Variants in DHRS7B observed in about 807,000 individuals in gnomAD.
DHRS7B encodes peroxisomal reductase activating PPAR-gamma.
In DHRS7B, 24 loss-of-function variants were observed where a neutral mutation model predicts 26.4. That is an observed-to-expected ratio of 0.91 (90% CI 0.66 to 1.28). The LOEUF (loss-of-function observed/expected upper bound fraction) is 1.28. DHRS7B is among the 50% of genes most tolerant of loss of function. The pLI is 0.00. For missense variants in DHRS7B, 368 were observed against 419.4 expected (o/e 0.88, Z 1.07); for synonymous variants, 142 against 166.4 (o/e 0.85, Z 1.13).
chr17:21,140,538 A>ACACACACACACC (rs972677956), intron 1 of DHRS7B, among the ~76,000 whole-genome samples: 1,848 of 134,642 alleles, frequency 0.014, 70 homozygotes, highest in Middle Eastern at 0.024. Flanking sequence ...ACACACACAC[A>ACACACACACACC]CCCTGACACC....
rs915838784 is a variant in DHRS7B at position 21,183,695 on chromosome 17, C to G, written c.411C>G (p.Asp137Glu). 5 of 1,614,102 alleles carry G rather than the reference C, an allele frequency of 3.1e-6. No individual in the cohort carries two copies. The African/African-American group carries it at 6.7e-5, about 22-fold the overall frequency. Reference protein sequence around the residue: ...AEILQCFGYVDILVNNAGISY... With the variant: ...AEILQCFGYVEILVNNAGISY... Reference sequence around the variant, plus strand: ...TCCTGCAGTGCTTTGGCTATGTCGACATACTTGTCAACAATGCTGGGATCA... The same window carrying G: ...TCCTGCAGTGCTTTGGCTATGTCGAGATACTTGTCAACAATGCTGGGATCA... The change falls in exon 4 of 7, where the codon GAC (aspartate) becomes GAG (glutamate). Residue 137 changes from aspartate to glutamate, a missense_variant. By Grantham distance (45) the Asp-to-Glu change is conservative. Coordinates refer to ENST00000395511, the MANE Select transcript of DHRS7B (RefSeq NM_015510.5).
At chr17:21,149,242 A>G (rs917638486) in intron 1 of DHRS7B, among the ~76,000 whole-genome samples, 2 of 152,158 alleles carry the variant, frequency 1.3e-5, no homozygotes, top group Non-Finnish European at 1.5e-5. Context: ...TGCCATTCAA[A>G]AATACTGTGT....
At position 21,184,479 on chromosome 17, in the gene DHRS7B, T is replaced by C. The variant is rs1269152057; in HGVS notation, c.619+16T>C. 6.2e-7 allele frequency: 1 copy of C among 1,603,454 alleles called. No homozygotes were observed. The highest frequency in any genetic ancestry group is 1.3e-5 in the African/African-American group (1 of 74,488). ...CGATCAGCATGTGAGTACTTCTCTC[T>C]CCCACAAAATGCTTGGCTTTATTGT... On this transcript the variant is annotated intron_variant, in intron 5 of 6. Transcript: ENST00000395511.
chr17:21,188,871 C>A lies in DHRS7B; in HGVS notation c.772+8C>A. 6.2e-7 allele frequency: 1 copy of A among 1,614,106 alleles called. No individual in the cohort carries two copies. The highest frequency in any genetic ancestry group is 8.5e-7 in the Non-Finnish European group (1 of 1,180,004). On this transcript the variant is annotated splice_region_variant and intron_variant, in intron 6 of 6. Coordinates refer to ENST00000395511, the MANE Select transcript of DHRS7B (RefSeq NM_015510.5). ...ATGGATCTAGGTATGGAGGTGAGGC[C>A]CGGTTTCTCTTTTCTCCTATGAAAA...
chr17:21,175,274 C>G (rs926502151), intron 2 of DHRS7B, among the ~76,000 whole-genome samples: 3 of 152,196 alleles, frequency 2.0e-5, no homozygotes, highest in African/African-American at 7.2e-5. Context: ...TGTTTTGAAC[C>G]CATCTAGCTT....
At chr17:21,172,345 GGT>G in intron 2 of DHRS7B, 149 bp downstream of exon 2, 1 of 954,242 alleles carries the variant, frequency 1.0e-6, no homozygotes, top group Non-Finnish European at 1.6e-6. Context: ...CACTGTCCTT[GGT>G]ACAAGTGGAA....
intron 1 of DHRS7B, among the ~76,000 whole-genome samples, chr17:21,141,640 A>AAAAAAAAACAAAAAAAAAG: frequency 1.1e-5 from 1 of 90,078 alleles, no homozygotes; most frequent in Non-Finnish European, 2.1e-5. Context: ...AAAAAAAAAA[A>AAAAAAAAACAAAAAAAAAG]CAACCTCATC....
rs755295945 is a variant in DHRS7B, at chr17:21,186,248, CCA to C, written c.619+1788_619+1789del. 5.3e-5 allele frequency among the ~76,000 whole-genome samples: 8 copies of C among 152,346 alleles called. No individual in the cohort carries two copies. In the South Asian group the frequency reaches 1.7e-3, roughly 32 times the overall value. The stretch of plus-strand genomic sequence containing the variant: ...TAAAGTAAAGACCAAGTCACGTGGT[CCA>C]CAGTGTCCTTAGTACTGGGCCTCAC... On this transcript the variant is annotated intron_variant, in intron 5 of 6. Coordinates refer to ENST00000395511, the MANE Select transcript of DHRS7B (RefSeq NM_015510.5).
chr17:21,149,800 A>G (rs1352372865), intron 1 of DHRS7B, among the ~76,000 whole-genome samples: 1 of 152,202 alleles, frequency 6.6e-6, no homozygotes, highest in Non-Finnish European at 1.5e-5. Context: ...ATAAAGCAAC[A>G]AAACATTCTA....
At chr17:21,138,066 T>TAAAAAAAAA (rs1555536184) in intron 1 of DHRS7B, among the ~76,000 whole-genome samples, 5 of 35,242 alleles carry the variant, frequency 1.4e-4, no homozygotes, top group African/African-American at 8.7e-4. Flanking sequence ...CGGCCTCTTT[T>TAAAAAAAAA]AAAAAAAAAA....
At chr17:21,164,938 A>G (rs561321925) in intron 1 of DHRS7B, among the ~76,000 whole-genome samples, 64 of 152,354 alleles carry the variant, frequency 4.2e-4, no homozygotes, top group African/African-American at 1.5e-3. Context: ...GAGCCCTTAA[A>G]GCTGCCAGCT....
At chr17:21,156,087 G>C (rs970503460) in intron 1 of DHRS7B, among the ~76,000 whole-genome samples, 2 of 152,048 alleles carry the variant, frequency 1.3e-5, no homozygotes, top group Non-Finnish European at 2.9e-5. Flanking sequence ...TCCAAAGTAA[G>C]CAGAAGAAAA....
intron 1 of DHRS7B, among the ~76,000 whole-genome samples, chr17:21,134,297 C>T (rs1042228953): frequency 2.6e-5 from 4 of 152,046 alleles, no homozygotes; most frequent in African/African-American, 7.2e-5. Context: ...TTTTTTTTTA[C>T]ATACACTTTT....
chr17:21,168,652 A>G, intron 1 of DHRS7B: 7 of 915,362 alleles, frequency 7.6e-6, no homozygotes, highest in Non-Finnish European at 9.1e-6. Context: ...TACAGGCGCG[A>G]GGCACTGCGT....
At chr17:21,130,744 C>T (rs1031120576) in intron 1 of DHRS7B, among the ~76,000 whole-genome samples, 2 of 152,078 alleles carry the variant, frequency 1.3e-5, no homozygotes, top group Non-Finnish European at 2.9e-5. Flanking sequence ...AAATGTTGGA[C>T]TAGAGCAACA....
intron 2 of DHRS7B, 111 bp from the exon 3 acceptor site, chr17:21,178,122 G>A (rs1974423815): frequency 3.9e-6 from 4 of 1,022,324 alleles, no homozygotes; most frequent in Middle Eastern, 2.3e-4. Context: ...CACAGCAGGG[G>A]CCAACACAGA....
rs762838881 is a variant in DHRS7B, at chr17:21,172,189, G to A, written c.192G>A (p.Leu64=). ...TGATCACAGGCGCCACCTCAGGGCT[G>A]GGCAAAGGTGGGTCCTGGAGGCAGT... The part of the protein sequence containing the change: ...VVVITGATSG[L]GKECAKVFYA... Residue 64 remains leucine (L), a synonymous_variant, in exon 2 of 7, where the codon CTG becomes CTA. Coordinates refer to ENST00000395511, the MANE Select transcript of DHRS7B (RefSeq NM_015510.5). 21 of 1,610,914 alleles carry A rather than the reference G, an allele frequency of 1.3e-5. No individual in the cohort carries two copies. The South Asian group carries it at 2.1e-4, about 16-fold the overall frequency.
At chr17:21,186,451 G>T (rs925304954) in intron 5 of DHRS7B, among the ~76,000 whole-genome samples, 1 of 152,208 alleles carries the variant, frequency 6.6e-6, no homozygotes, top group Non-Finnish European at 1.5e-5. Context: ...TGGAATCATG[G>T]CTGATAGGAG....
chr17:21,178,202 T>C, intron 2 of DHRS7B, 31 bp from the exon 3 acceptor site: 1 of 1,597,402 alleles, frequency 6.3e-7, no homozygotes, highest in East Asian at 2.2e-5. Flanking sequence ...TGAGGAAGAA[T>C]GGCTGTCAAG....
Sources: allele counts gnomAD v4.1 joint callset (sites outside exome capture counted in the v4.1 genomes callset), GRCh38; gene constraint gnomAD v4.1.1; transcripts MANE v1.5; gene names NCBI Gene and HGNC (gene_info 2026-07-23, HGNC 2026-07-21).